The following FBXL7 variants were observed in gnomAD, a reference collection of about 807,000 sequenced individuals.
FBXL7 encodes F-box and leucine rich repeat protein 7.
FBXL7 carries 12 observed loss-of-function variants against 38.3 expected under a neutral mutation model. The observed-to-expected ratio is 0.31, with a 90% confidence interval of 0.20 to 0.51. The LOEUF is 0.51. FBXL7 is among the 20% of genes least tolerant of loss of function. FBXL7 has a pLI of 0.98. For missense variants in FBXL7, 567 were observed against 676.4 expected (o/e 0.84, Z 1.79); for synonymous variants, 297 against 300.9 (o/e 0.99, Z 0.13).
At chr5:15,527,147 T>C (rs541487528) in intron 1 of FBXL7, among the ~76,000 whole-genome samples, 1 of 152,358 alleles carries the variant, frequency 6.6e-6, no homozygotes, top group Admixed American at 6.5e-5. Context: ...TTTTGTTTTG[T>C]TTTGCTTTTA....
intron 1 of FBXL7, among the ~76,000 whole-genome samples, chr5:15,564,192 T>G (rs1344614599): frequency 6.6e-6 from 1 of 152,094 alleles, no homozygotes; most frequent in African/African-American, 2.4e-5. Context: ...GAGATTCCTG[T>G]CTATTTCCCT....
chr5:15,838,061 G>A (rs1648586750), intron 2 of FBXL7, among the ~76,000 whole-genome samples: 1 of 152,132 alleles, frequency 6.6e-6, no homozygotes, highest in Admixed American at 6.5e-5. Context: ...GTCTGGTGTG[G>A]TGTCATACTG....
intron 1 of FBXL7, among the ~76,000 whole-genome samples, chr5:15,539,632 G>T (rs995593486): frequency 2.0e-5 from 3 of 152,038 alleles, no homozygotes; most frequent in Non-Finnish European, 4.4e-5. Flanking sequence ...GAGGGTATGG[G>T]CTGAATATTC....
At chr5:15,840,203 A>C (rs899981775) in intron 2 of FBXL7, among the ~76,000 whole-genome samples, 4 of 152,210 alleles carry the variant, frequency 2.6e-5, no homozygotes, top group African/African-American at 9.7e-5. Flanking sequence ...TCAGGCTGCA[A>C]AGGAAAAACC....
intron 1 of FBXL7, among the ~76,000 whole-genome samples, chr5:15,609,024 T>G (rs568622347): frequency 3.6e-4 from 55 of 152,132 alleles, no homozygotes; most frequent in Non-Finnish European, 6.6e-4. Context: ...GTGGAAATGG[T>G]TGAGGTGGGG....
chr5:15,818,587 A>T (rs1738082283), intron 2 of FBXL7, among the ~76,000 whole-genome samples: 1 of 152,170 alleles, frequency 6.6e-6, no homozygotes, highest in Non-Finnish European at 1.5e-5. Flanking sequence ...AGCTTCCTGT[A>T]TCTACAAGTC....
intron 2 of FBXL7, among the ~76,000 whole-genome samples, chr5:15,820,922 G>A (rs182354864): frequency 6.6e-6 from 1 of 152,226 alleles, no homozygotes; most frequent in Admixed American, 6.5e-5. Flanking sequence ...AGAGCTTTTA[G>A]AAAATACAGA....
Position 15,591,977 on chromosome 5 carries a change from T to G in FBXL7, c.38-24006T>G, listed in dbSNP as rs564792216. ...CGCCCGCCTTGGCCTCCTGAAGTTC[T>G]GGGATTACAGGTGTGAGCCACCGTG... On this transcript the variant is annotated intron_variant, in intron 1 of 3. Coordinates refer to ENST00000504595, the MANE Select transcript of FBXL7 (RefSeq NM_012304.5). 5.8e-4 allele frequency among the ~76,000 whole-genome samples: 88 copies of G among 152,290 alleles called. 1 individual carries two copies. Among genetic ancestry groups the G allele is most frequent in the African/African-American group, 2.0e-3 (83 of 41,566 alleles).
At chr5:15,686,235 T>A (rs4701637) in intron 2 of FBXL7, among the ~76,000 whole-genome samples, 78,836 of 152,020 alleles carry the variant, frequency 0.52, 20,733 homozygotes, top group East Asian at 0.69. Context: ...GTCCTGCACT[T>A]GTTTTGTAAA....
At chr5:15,551,148 C>T (rs1009125114) in intron 1 of FBXL7, among the ~76,000 whole-genome samples, 2 of 152,164 alleles carry the variant, frequency 1.3e-5, no homozygotes, top group Non-Finnish European at 2.9e-5. Flanking sequence ...TGTCATGTTA[C>T]AACATGACAA....
intron 2 of FBXL7, among the ~76,000 whole-genome samples, chr5:15,722,940 A>AAAAAAAAAAAAAG (rs1561100210): frequency 6.6e-6 from 1 of 151,324 alleles, no homozygotes; most frequent in African/African-American, 2.4e-5. Flanking sequence ...CAAAAAAAAA[A>AAAAAAAAAAAAAG]AGAGAGAAGA....
intron 2 of FBXL7, among the ~76,000 whole-genome samples, chr5:15,661,331 A>G (rs1742061447): frequency 6.6e-6 from 1 of 152,066 alleles, no homozygotes; most frequent in Non-Finnish European, 1.5e-5. Context: ...TATGTAGATG[A>G]TCATGTCATC....
chr5:15,591,013 C>A (rs193189241), intron 1 of FBXL7, among the ~76,000 whole-genome samples: 1 of 152,278 alleles, frequency 6.6e-6, no homozygotes, highest in East Asian at 1.9e-4. Flanking sequence ...ACAAGGACCA[C>A]AGCTTGCCCT....
chr5:15,925,970 A>T (rs1741868127), intron 2 of FBXL7, among the ~76,000 whole-genome samples: 1 of 152,210 alleles, frequency 6.6e-6, no homozygotes, highest in Admixed American at 6.5e-5. Context: ...TTCATTATAA[A>T]ATAGGCTCTA....
At chr5:15,809,319 A>T (rs528023067) in intron 2 of FBXL7, among the ~76,000 whole-genome samples, 1 of 152,310 alleles carries the variant, frequency 6.6e-6, no homozygotes, top group Admixed American at 6.5e-5. Flanking sequence ...CACTTGCTTA[A>T]TTAGGAAATG....
intron 2 of FBXL7, among the ~76,000 whole-genome samples, chr5:15,915,874 T>G (rs1034913630): frequency 6.6e-6 from 1 of 151,802 alleles, no homozygotes; most frequent in African/African-American, 2.4e-5. Context: ...GTGGGAGCAG[T>G]GGAGAGAGAA....
At chr5:15,839,213 GTTCT>G (rs1382508072) in intron 2 of FBXL7, among the ~76,000 whole-genome samples, 2 of 150,362 alleles carry the variant, frequency 1.3e-5, no homozygotes, top group East Asian at 2.0e-4. Flanking sequence ...TTTCATTCGT[GTTCT>G]TTGTCATACA....
intron 2 of FBXL7, among the ~76,000 whole-genome samples, chr5:15,757,769 G>A (rs980900020): frequency 3.9e-5 from 6 of 152,056 alleles, no homozygotes; most frequent in South Asian, 2.1e-4. Context: ...ATGTGGAAAC[G>A]TTTTGTGCAC....
chr5:15,751,670 A>G (rs904229538), intron 2 of FBXL7, among the ~76,000 whole-genome samples: 16 of 152,182 alleles, frequency 1.1e-4, no homozygotes, highest in African/African-American at 3.9e-4. Context: ...GGTGAAACTT[A>G]TGATTCATTG....
Sources: gnomAD v4.1 joint callset for allele counts (sites outside exome capture counted in the v4.1 genomes callset) on GRCh38, gnomAD v4.1.1 for gene constraint, MANE v1.5 for transcripts, NCBI Gene and HGNC (gene_info 2026-07-23, HGNC 2026-07-21) for gene names.